The following SH3BP2 variants were observed in gnomAD, a reference collection of about 807,000 sequenced individuals.
The protein encoded by SH3BP2 is SH3 domain binding protein 2.
A neutral mutation model predicts 56.2 loss-of-function variants in SH3BP2; 38 were observed. The observed-to-expected ratio is 0.68, with a 90% confidence interval of 0.52 to 0.89. The LOEUF (loss-of-function observed/expected upper bound fraction) is 0.89. SH3BP2 is among the 40% of genes least tolerant of loss of function. The pLI is 0.00. For missense variants in SH3BP2, 748 were observed against 762.6 expected, an observed-to-expected ratio of 0.98 and a Z score of 0.23; for synonymous variants, 346 against 316.7, an observed-to-expected ratio of 1.09 and a Z score of -0.98.
chr4:2,804,666 C>G (rs1042408108), intron 1 of SH3BP2, among the ~76,000 whole-genome samples: 3 of 152,238 alleles, frequency 2.0e-5, no homozygotes, highest in Admixed American at 6.5e-5. Flanking sequence ...GGCCCACCCC[C>G]ACTGTCCTTA....
At chr4:2,824,464 T>C in intron 3 of SH3BP2, 149 bp from the exon 4 acceptor site, 1 of 676,296 alleles carries the variant, frequency 1.5e-6, no homozygotes, top group Non-Finnish European at 2.7e-6. Flanking sequence ...AGCTCACTAC[T>C]GGGAGCATCA....
Position 2,810,083 on chromosome 4 carries a change from G to A in SH3BP2, c.-4-10531G>A, listed in dbSNP as rs1467521377. 6.6e-6 allele frequency among the ~76,000 whole-genome samples: 1 copy of A among 152,220 alleles called. No individual in the cohort carries two copies. Among genetic ancestry groups the A allele is most frequent in the Non-Finnish European group, 1.5e-5 (1 of 68,036 alleles). On this transcript the variant is annotated intron_variant, in intron 1 of 12. Coordinates refer to ENST00000503393, the MANE Select transcript of SH3BP2 (RefSeq NM_001122681.2). The surrounding 1 kb of genome is among the most constrained non-coding windows in gnomAD (Gnocchi z 4.2). ...GGCTGAGGAGGGGAGAATGGCCTGTGTTTAGGAATATGAACGGCAGTGTCA... is the reference window on the plus strand; with the variant it reads ...GGCTGAGGAGGGGAGAATGGCCTGTATTTAGGAATATGAACGGCAGTGTCA...
intron 1 of SH3BP2, among the ~76,000 whole-genome samples, chr4:2,802,621 T>C (rs535921379): frequency 2.0e-5 from 3 of 147,602 alleles, no homozygotes; most frequent in Admixed American, 6.8e-5. Flanking sequence ...TGTGTATATA[T>C]GTGTATGTAT....
chr4:2,812,283 C>G lies in SH3BP2; in HGVS notation c.-4-8331C>G, dbSNP rs556481199. 157 of 1,542,354 alleles carry G rather than the reference C, an allele frequency of 1.0e-4. No individual in the cohort carries two copies. The African/African-American group carries it at 1.9e-3, about 18-fold the overall frequency. On this transcript the variant is annotated intron_variant, in intron 1 of 12. Coordinates refer to ENST00000503393, the MANE Select transcript of SH3BP2 (RefSeq NM_001122681.2). ...GGTGGGGAGGAAGCACCGGCGGCCA[C>G]AGGCCTCAGAAGCAGCAGGAGTGAG...
chr4:2,818,879 C>G, intron 1 of SH3BP2: 1 of 985,646 alleles, frequency 1.0e-6, no homozygotes, highest in Non-Finnish European at 1.2e-6. Flanking sequence ...TCCTCTTGCA[C>G]TTTTGTTGGA....
At chr4:2,805,851 G>A (rs1213816148) in intron 1 of SH3BP2, among the ~76,000 whole-genome samples, 1 of 152,170 alleles carries the variant, frequency 6.6e-6, no homozygotes, top group Non-Finnish European at 1.5e-5. Context: ...CGTTCCAGGT[G>A]GAGGGCACTG....
At chr4:2,822,743 T>G (rs1193764822) in intron 2 of SH3BP2, among the ~76,000 whole-genome samples, 192 bp from the exon 3 acceptor site, 2 of 152,206 alleles carry the variant, frequency 1.3e-5, no homozygotes, top group African/African-American at 4.8e-5. Context: ...GTGCCTACAA[T>G]TTTTTCCGTA....
intron 1 of SH3BP2, among the ~76,000 whole-genome samples, chr4:2,805,930 G>A (rs1268310090): frequency 6.6e-6 from 1 of 152,190 alleles, no homozygotes; most frequent in Admixed American, 6.5e-5. Flanking sequence ...GCCAAGGGCC[G>A]CGGGGAGACG....
Position 2,831,025 on chromosome 4 carries a change from TG to T in SH3BP2, c.1242-542del. 6.6e-6 allele frequency among the ~76,000 whole-genome samples: 1 copy of T among 152,338 alleles called. No homozygotes were observed. Among genetic ancestry groups the T allele is most frequent in the African/African-American group, 2.4e-5 (1 of 41,578 alleles). ...CGGAAGTCACGTTTTTCCATGACTG[TG>T]GGGATAGCGGTTCCAGGGCTCAGCC... On this transcript the variant is annotated intron_variant, in intron 8 of 12. Coordinates refer to ENST00000503393, the MANE Select transcript of SH3BP2 (RefSeq NM_001122681.2). This position sits in a 1 kb window ranked among gnomAD's most constrained non-coding sequence, Gnocchi z 4.1.
rs1030615203 is a variant in SH3BP2, at chr4:2,833,789, G to A, written c.1641G>A (p.Gln547=). The A allele has an allele frequency of 6.3e-7, 1 of 1,596,596 alleles. No homozygotes were observed. Among genetic ancestry groups the A allele is most frequent in the Non-Finnish European group, 8.5e-7 (1 of 1,171,510 alleles). Residue 547 remains glutamine, a synonymous_variant, in exon 13 of 13, where the codon CAG becomes CAA. Coordinates refer to ENST00000503393, the MANE Select transcript of SH3BP2 (RefSeq NM_001122681.2). ...HYHTHVLPSH[Q]SLLLRHPYGY... ...ACACCCACGTGCTGCCCAGCCACCAGAGCCTGCTGCTGCGGCACCCCTACG... is the reference window on the plus strand; with the variant it reads ...ACACCCACGTGCTGCCCAGCCACCAAAGCCTGCTGCTGCGGCACCCCTACG...
At chr4:2,798,834 G>A (rs1395346343) in intron 1 of SH3BP2, among the ~76,000 whole-genome samples, 1 of 152,246 alleles carries the variant, frequency 6.6e-6, no homozygotes, top group Non-Finnish European at 1.5e-5. Context: ...GGTGGCTCAG[G>A]TGGCTCCACC....
rs1725231557 is a variant in SH3BP2 at position 2,836,311 on chromosome 4, A to G, written c.*2477A>G. 1 of 152,482 alleles carries G rather than the reference A, an allele frequency of 6.6e-6. No individual in the cohort carries two copies. The highest frequency in any genetic ancestry group is 1.5e-5 in the Non-Finnish European group (1 of 68,256). The allele number at this position is 152,482 out of a possible 1,614,324, so 9.4% of individuals were successfully genotyped here. ...GGTCCTCCAGCATGAAGAAGGAGCC[A>G]TGAGGAGTTCCCATGACCTCCCGAG... On this transcript the variant is annotated 3_prime_UTR_variant, in exon 13 of 13. Transcript: ENST00000503393.
Position 2,824,744 on chromosome 4 carries a change from C to G in SH3BP2, c.357+14C>G, listed in dbSNP as rs752171978. ...GAGGAGCGCAAGGTGACTGGGGGTCCGAGGACGAGTGCAAGGTGACTGGGG... is the reference window on the plus strand; with the variant it reads ...GAGGAGCGCAAGGTGACTGGGGGTCGGAGGACGAGTGCAAGGTGACTGGGG... On this transcript the variant is annotated intron_variant, in intron 4 of 12. Transcript: ENST00000503393. 3 of 1,581,322 alleles carry G rather than the reference C, an allele frequency of 1.9e-6. No homozygotes were observed. The African/African-American group carries it at 4.0e-5, about 21-fold the overall frequency.
rs759429803 is a variant in SH3BP2 at position 2,806,646 on chromosome 4, G to A, written c.-5+13508G>A. On this transcript the variant is annotated intron_variant, in intron 1 of 12. Coordinates refer to ENST00000503393, the MANE Select transcript of SH3BP2 (RefSeq NM_001122681.2). ...GCCCCACCTCACCCTCACCACCCTC[G>A]GCCTGGAAGCCCGCCCTGGCCTCCT... is the stretch of plus-strand genomic sequence containing the variant. 4.6e-5 allele frequency among the ~76,000 whole-genome samples: 7 copies of A among 151,836 alleles called. 1 individual carries two copies. The South Asian group carries it at 8.3e-4, about 18-fold the overall frequency.
rs181793875 is a variant in SH3BP2, at chr4:2,810,261, G to A, written c.-4-10353G>A. Among the ~76,000 whole-genome samples, 5 of 151,868 alleles carry A rather than the reference G, an allele frequency of 3.3e-5. No homozygotes were observed. Among genetic ancestry groups the A allele is most frequent in the Admixed American group, 3.3e-4 (5 of 15,256 alleles). Reference sequence around the variant, plus strand: ...TTGGGGAAGGGGCTGGTGTGGATTTGTCCCCCACCCCCAGGGTCCCCTCAC... The same window carrying A: ...TTGGGGAAGGGGCTGGTGTGGATTTATCCCCCACCCCCAGGGTCCCCTCAC... On this transcript the variant is annotated intron_variant, in intron 1 of 12. Transcript: ENST00000503393. This position sits in a 1 kb window ranked among gnomAD's most constrained non-coding sequence, Gnocchi z 4.2.
At chr4:2,824,817 G>C (rs1724509390) in intron 4 of SH3BP2, 87 bp downstream of exon 4, 2 of 1,033,346 alleles carry the variant, frequency 1.9e-6, no homozygotes, top group South Asian at 2.6e-5. Context: ...GGGCTCGCTG[G>C]TCCTGGGGCG....
intron 2 of SH3BP2, among the ~76,000 whole-genome samples, chr4:2,822,043 T>C (rs867710363): frequency 2.0e-5 from 3 of 151,976 alleles, no homozygotes; most frequent in Non-Finnish European, 4.4e-5. Context: ...AATTTTTGTA[T>C]TTTTAGTAGA....
chr4:2,812,577 CG>C, intron 1 of SH3BP2: 2 of 1,421,762 alleles, frequency 1.4e-6, no homozygotes, highest in Non-Finnish European at 1.9e-6. Context: ...CAGCCTTCCT[CG>C]GGGCTGGCCG....
intron 12 of SH3BP2, 160 bp from the exon 13 acceptor site, chr4:2,833,537 C>A (rs766527577): frequency 9.6e-6 from 8 of 831,958 alleles, no homozygotes; most frequent in Non-Finnish European, 1.6e-5. Context: ...GAGCACAGGC[C>A]TGATGCGGAG....
Sources: allele counts gnomAD v4.1 joint callset (sites outside exome capture counted in the v4.1 genomes callset), GRCh38; gene constraint gnomAD v4.1.1; non-coding constraint Gnocchi (gnomAD v3.1); transcripts MANE v1.5; gene names NCBI Gene and HGNC (gene_info 2026-07-23, HGNC 2026-07-21).